CLCF1: variants seen among roughly 807,000 people sequenced by gnomAD.
CLCF1 encodes the protein cardiotrophin-like cytokine factor 1.
CLCF1 carries 10 observed loss-of-function variants against 21.2 expected under a neutral mutation model. The observed-to-expected ratio is 0.47, with a 90% confidence interval of 0.29 to 0.80. CLCF1 has a LOEUF of 0.80. Among genes scored for constraint, CLCF1 ranks in the 30% least tolerant of loss-of-function variants. The pLI is 0.09. For missense variants in CLCF1, 240 were observed against 293.4 expected (o/e 0.82, Z 1.33); for synonymous variants, 115 against 120.5 (o/e 0.95, Z 0.30).
intron 1 of CLCF1, chr11:67,370,330 A>G: frequency 2.0e-6 from 2 of 985,220 alleles, no homozygotes; most frequent in Non-Finnish European, 2.4e-6. Context: ...CCTCAGGCTC[A>G]TGTTGTGCAG....
rs1326418574 is a variant in CLCF1, at chr11:67,365,310, A to G, written c.504T>C (p.Thr168=). 2.5e-6 allele frequency: 4 copies of G among 1,613,740 alleles called. No homozygotes were observed. The highest frequency in any genetic ancestry group is 3.4e-6 in the Non-Finnish European group (4 of 1,180,048). ...LPQPLPGTEP[T]WTPGPAHSDF... ...CACTGTGGGCAGGGCCAGGAGTCCAAGTGGGTTCAGTCCCAGGCAGCGGCT... is the reference window on the plus strand; with the variant it reads ...CACTGTGGGCAGGGCCAGGAGTCCAGGTGGGTTCAGTCCCAGGCAGCGGCT... The change falls in exon 3 of 3, where the codon ACT becomes ACC. Residue 168 remains threonine (T), a synonymous_variant. Transcript: ENST00000312438. The surrounding 1 kb of genome is among the most constrained non-coding windows in gnomAD (Gnocchi z 5.0).
chr11:67,373,374 G>C (rs1862279289), intron 1 of CLCF1, 150 bp downstream of exon 1: 1 of 409,422 alleles, frequency 2.4e-6, no homozygotes, highest in African/African-American at 2.1e-5. Flanking sequence ...GGCCCCTCTC[G>C]AGGGCGCCCA....
At chr11:67,374,008 CCT>C, upstream of CLCF1, 1 of 839,040 alleles carries the variant, frequency 1.2e-6, no homozygotes, top group Non-Finnish European at 1.3e-6. Context: ...CCCCCTGCCC[CCT>C]GTCCCCTGCC....
At position 67,364,203 on chromosome 11, in the gene CLCF1, T is replaced by C. The variant is rs1325529912; in HGVS notation, c.*933A>G. The C allele has an allele frequency of 1.3e-5, 2 of 152,598 alleles. No individual in the cohort carries two copies. Among genetic ancestry groups the C allele is most frequent in the Non-Finnish European group, 2.9e-5 (2 of 68,036 alleles). The allele number at this position is 152,598 out of a possible 1,614,324, so 9.5% of individuals were successfully genotyped here. A position where few individuals can be genotyped will look rare whatever the true frequency, so the allele number is the denominator to read the frequency against. Reference sequence around the variant, plus strand: ...AGCATTTTATTTGTTAATACAAGAATAGAAATTCTGCAATAAATATCATCT... The same window carrying C: ...AGCATTTTATTTGTTAATACAAGAACAGAAATTCTGCAATAAATATCATCT... On this transcript the variant is annotated 3_prime_UTR_variant, in exon 3 of 3. Transcript: ENST00000312438.
In CLCF1 at chr11:67,372,366, A is replaced by C. The variant is rs1862255495; in HGVS notation, c.16+1158T>G. On this transcript the variant is annotated intron_variant, in intron 1 of 2. Transcript: ENST00000312438. This position sits in a 1 kb window ranked among gnomAD's most constrained non-coding sequence, Gnocchi z 5.9. The stretch of plus-strand genomic sequence containing the variant: ...GGAGGGCTCCAGAAGCCCAGCACGG[A>C]GTTGTGGAAAGGAAGGCGGGTGGGG... Among the ~76,000 whole-genome samples the C allele has an allele frequency of 6.6e-6, 1 of 151,852 alleles. No individual in the cohort carries two copies. The highest frequency in any genetic ancestry group is 1.5e-5 in the Non-Finnish European group (1 of 67,904).
chr11:67,369,760 A>C (rs1288408620), intron 1 of CLCF1: 22 of 985,306 alleles, frequency 2.2e-5, no homozygotes, highest in Non-Finnish European at 1.9e-5. Flanking sequence ...CCGGAGTTCT[A>C]GGCTCTGCCT....
chr11:67,373,646 C>T, upstream of CLCF1: 1 of 1,264,822 alleles, frequency 7.9e-7, no homozygotes, highest in Non-Finnish European at 1.0e-6. Flanking sequence ...TCCGCCAGGC[C>T]CACTCGCAGG....
At chr11:67,373,847 G>C, upstream of CLCF1, 1 of 1,022,454 alleles carries the variant, frequency 9.8e-7, no homozygotes. Flanking sequence ...CACCGAGGGG[G>C]GGTGAGGTGA....
chr11:67,368,232 G>A (rs181202780), intron 1 of CLCF1: 37 of 985,220 alleles, frequency 3.8e-5, no homozygotes, highest in East Asian at 3.4e-4. Flanking sequence ...ATTCTAGGAT[G>A]TGATTCCTGA....
At chr11:67,368,342 T>TG in intron 1 of CLCF1, 1 of 985,128 alleles carries the variant, frequency 1.0e-6, no homozygotes, top group South Asian at 4.7e-5. Flanking sequence ...TGGTGTTAGG[T>TG]GGGGAAAAGT....
At chr11:67,371,015 C>A (rs763771664) in intron 1 of CLCF1, 1 of 985,276 alleles carries the variant, frequency 1.0e-6, no homozygotes, top group South Asian at 4.7e-5. Context: ...TTGGAGGGGT[C>A]TGTTGAGGGG....
chr11:67,374,095 C>A (rs949285034), upstream of CLCF1: 1 of 986,162 alleles, frequency 1.0e-6, no homozygotes, highest in Non-Finnish European at 1.2e-6. Flanking sequence ...GCCTCCTCAT[C>A]TCTAACCTTC....
intron 1 of CLCF1, chr11:67,369,941 T>C (rs1862193464): frequency 1.0e-6 from 1 of 984,638 alleles, no homozygotes; most frequent in African/African-American, 1.8e-5. Flanking sequence ...AAACGGCTCA[T>C]GAAATTAACC....
At chr11:67,366,796 G>A (rs1171217805) in intron 2 of CLCF1, among the ~76,000 whole-genome samples, 1 of 152,092 alleles carries the variant, frequency 6.6e-6, no homozygotes, top group Non-Finnish European at 1.5e-5. Flanking sequence ...GGTCTGGGAT[G>A]TGGAAGAGGA....
At chr11:67,367,421 C>G in intron 2 of CLCF1, 39 bp downstream of exon 2, 1 of 1,613,970 alleles carries the variant, frequency 6.2e-7, no homozygotes, top group African/African-American at 1.3e-5. Context: ...CAACTCCTCA[C>G]TCCTCCCCAA....
At position 67,370,611 on chromosome 11, in the gene CLCF1, A is replaced by AAC. The variant is rs3837416; in HGVS notation, c.16+2911_16+2912dup. ...CCTAGGAACCAAGGCTCTCCTCATG[A>AAC]ACACACACACACACACACACTCTCT... On this transcript the variant is annotated intron_variant, in intron 1 of 2. Coordinates refer to ENST00000312438, the MANE Select transcript of CLCF1 (RefSeq NM_013246.3). The AAC allele has an allele frequency of 4.2e-3, 4,003 of 952,354 alleles. 4 individuals carry two copies. Among genetic ancestry groups the AAC allele is most frequent in the Middle Eastern group, 0.011 (21 of 1,834 alleles). 59.0% of individuals were successfully genotyped at this position (952,354 alleles called of 1,614,324 possible). A position where few individuals can be genotyped will look rare whatever the true frequency, so the allele number is the denominator to read the frequency against.
In CLCF1 at chr11:67,372,767, G is replaced by C. The variant is rs1862267545; in HGVS notation, c.16+757C>G. 6.7e-6 allele frequency among the ~76,000 whole-genome samples: 1 copy of C among 150,090 alleles called. No individual in the cohort carries two copies. The highest frequency in any genetic ancestry group is 2.1e-4 in the South Asian group (1 of 4,810). ...CCTGGCCAGTGACAGACTTTTTCCT[G>C]CCGGGTCCGGCCCGGCTGCGCCAGC... On this transcript the variant is annotated intron_variant, in intron 1 of 2. Transcript: ENST00000312438. This position sits in a 1 kb window ranked among gnomAD's most constrained non-coding sequence, Gnocchi z 5.9.
chr11:67,368,281 T>G (rs1862158967), intron 1 of CLCF1: 2 of 984,998 alleles, frequency 2.0e-6, no homozygotes, highest in Non-Finnish European at 2.4e-6. Flanking sequence ...TGAAGGAGAT[T>G]TAGTGCTCAC....
chr11:67,369,332 G>T, intron 1 of CLCF1: 1 of 983,274 alleles, frequency 1.0e-6, no homozygotes, highest in South Asian at 4.7e-5. Flanking sequence ...GTGTGAGTGT[G>T]TGTACACGCG....
Sources: gnomAD v4.1 joint callset for allele counts (sites outside exome capture counted in the v4.1 genomes callset) on GRCh38, gnomAD v4.1.1 for gene constraint, Gnocchi (gnomAD v3.1) non-coding constraint, MANE v1.5 for transcripts, NCBI Gene and HGNC (gene_info 2026-07-23, HGNC 2026-07-21) for gene names.